Variants in SUPT3H observed in about 807,000 individuals in gnomAD.
The protein encoded by SUPT3H is SPT3 homolog, SAGA and STAGA complex component.
Under a neutral mutation model 44.3 loss-of-function variants are expected in SUPT3H, and 44 were observed. That is an observed-to-expected ratio of 0.99 (90% confidence interval 0.78 to 1.28). The LOEUF is 1.28. SUPT3H is among the 50% of genes most tolerant of loss of function. The pLI, the probability that SUPT3H is intolerant of heterozygous loss-of-function variation, is 0.00. For missense variants in SUPT3H, 380 were observed against 387.1 expected (o/e 0.98, Z 0.15); for synonymous variants, 124 against 125.6 (o/e 0.99, Z 0.09).
chr6:45,131,366 T>G (rs1366466545), intron 2 of SUPT3H, among the ~76,000 whole-genome samples: 1 of 152,150 alleles, frequency 6.6e-6, no homozygotes, highest in East Asian at 1.9e-4. Context: ...CACTCTCAAT[T>G]TACACATCTT....
chr6:45,114,856 A>T lies in SUPT3H; in HGVS notation c.102-8850T>A, dbSNP rs564715768. On this transcript the variant is annotated intron_variant, in intron 2 of 10. Transcript: ENST00000371459. ...ACGTAGTCCTTTCATTCAGTTTTAA[A>T]CAGATGAAAAATGAAAGCCCAAGAG... Among the ~76,000 whole-genome samples the T allele has an allele frequency of 5.9e-5, 9 of 152,294 alleles. No homozygotes were observed. In the East Asian group the frequency reaches 1.7e-3, roughly 29 times the overall value.
intron 2 of SUPT3H, among the ~76,000 whole-genome samples, chr6:45,149,142 A>C (rs1250874195): frequency 1.3e-5 from 2 of 152,326 alleles, no homozygotes; most frequent in African/African-American, 4.8e-5. Context: ...TACCTGTGAC[A>C]AATATGCATT....
intron 5 of SUPT3H, among the ~76,000 whole-genome samples, chr6:45,005,093 G>A (rs1782519052): frequency 1.3e-5 from 2 of 152,128 alleles, no homozygotes; most frequent in African/African-American, 4.8e-5. Flanking sequence ...ACATTTTAAT[G>A]GAAGTTAAGA....
chr6:44,878,022 C>G (rs771765706), intron 10 of SUPT3H, among the ~76,000 whole-genome samples: 14 of 152,172 alleles, frequency 9.2e-5, no homozygotes, highest in Non-Finnish European at 1.8e-4. Context: ...TTTGGTGAAG[C>G]ATTAAAGCTA....
intron 10 of SUPT3H, among the ~76,000 whole-genome samples, chr6:44,919,314 T>G (rs753077959): frequency 8.5e-5 from 13 of 152,114 alleles, no homozygotes; most frequent in Non-Finnish European, 1.5e-4. Context: ...AGTCAAAACC[T>G]GGTTAGATTA....
At chr6:45,165,249 A>T (rs1489731290) in intron 2 of SUPT3H, among the ~76,000 whole-genome samples, 4 of 152,190 alleles carry the variant, frequency 2.6e-5, no homozygotes, top group Non-Finnish European at 5.9e-5. Context: ...GAGAGCCCAT[A>T]CTAAGCACAA....
At chr6:45,014,437 A>G (rs1220115131) in intron 5 of SUPT3H, among the ~76,000 whole-genome samples, 1 of 152,126 alleles carries the variant, frequency 6.6e-6, no homozygotes, top group Non-Finnish European at 1.5e-5. Context: ...CCCTCCACAT[A>G]AATGAGGAAA....
At chr6:45,346,658 C>G (rs1404395378) in intron 2 of SUPT3H, among the ~76,000 whole-genome samples, 1 of 151,314 alleles carries the variant, frequency 6.6e-6, no homozygotes, top group Admixed American at 6.6e-5. Flanking sequence ...ACCTCCACCT[C>G]CTGGGTTCAA....
intron 3 of SUPT3H, among the ~76,000 whole-genome samples, chr6:45,037,947 G>A (rs1266142101): frequency 6.6e-6 from 1 of 151,838 alleles, no homozygotes; most frequent in Non-Finnish European, 1.5e-5. Flanking sequence ...TACAATTAAT[G>A]CTTTTAAACT....
intron 3 of SUPT3H, among the ~76,000 whole-genome samples, chr6:45,058,527 CA>C (rs1343198908): frequency 6.6e-6 from 1 of 152,030 alleles, no homozygotes; most frequent in African/African-American, 2.4e-5. Context: ...TTATATTATA[CA>C]GAGTGATTTT....
chr6:44,863,351 C>T (rs904140129), intron 10 of SUPT3H, among the ~76,000 whole-genome samples: 2 of 152,062 alleles, frequency 1.3e-5, no homozygotes, highest in Admixed American at 6.5e-5. Context: ...GGGTAATGTG[C>T]TATGGGGAAA....
At chr6:45,362,054 AAAC>A (rs375160471) in intron 2 of SUPT3H, among the ~76,000 whole-genome samples, 11 of 152,028 alleles carry the variant, frequency 7.2e-5, no homozygotes, top group Admixed American at 2.0e-4. Context: ...TTCCTCTCAA[AAAC>A]AACAACAACA....
intron 2 of SUPT3H, among the ~76,000 whole-genome samples, chr6:45,164,794 T>C (rs906351306): frequency 6.6e-6 from 1 of 152,114 alleles, no homozygotes; most frequent in African/African-American, 2.4e-5. Context: ...TTAAAAAGTA[T>C]AGTAAAATTT....
intron 2 of SUPT3H, among the ~76,000 whole-genome samples, chr6:45,196,401 A>T (rs1002155512): frequency 3.9e-5 from 6 of 152,144 alleles, no homozygotes; most frequent in African/African-American, 1.4e-4. Context: ...AATGCAGTTC[A>T]TGTTGAAAAT....
At chr6:45,135,270 T>C (rs888680038) in intron 2 of SUPT3H, among the ~76,000 whole-genome samples, 1 of 152,144 alleles carries the variant, frequency 6.6e-6, no homozygotes, top group Admixed American at 6.6e-5. Context: ...TTTTAACGAA[T>C]AGTAACTGGC....
chr6:45,353,285 A>G (rs1792449929), intron 2 of SUPT3H, among the ~76,000 whole-genome samples: 1 of 152,150 alleles, frequency 6.6e-6, no homozygotes. Context: ...GGAACTTGAT[A>G]AAATGATTCC....
chr6:45,126,087 C>G (rs976125610), intron 2 of SUPT3H, among the ~76,000 whole-genome samples: 16 of 151,990 alleles, frequency 1.1e-4, no homozygotes, highest in African/African-American at 3.9e-4. Flanking sequence ...ACCTGGATGC[C>G]CAAATTTAAA....
rs781363784 is a variant in SUPT3H at position 45,340,696 on chromosome 6, C to T, written c.101+24505G>A. Among the ~76,000 whole-genome samples the T allele has an allele frequency of 4.4e-4, 67 of 152,104 alleles. 1 individual carries two copies. Among genetic ancestry groups the T allele is most frequent in the Admixed American group, 1.2e-3 (19 of 15,280 alleles). On this transcript the variant is annotated intron_variant, in intron 2 of 10. Coordinates refer to ENST00000371459, the MANE Select transcript of SUPT3H (RefSeq NM_003599.4). ...ATTCTTAATCATTATAATTAATAGT[C>T]TTAATGTCCACAATACACATATATA...
rs1365946839 is a variant in SUPT3H at position 45,329,636 on chromosome 6, GA to G, written c.101+35564del. Among the ~76,000 whole-genome samples, 4 of 151,956 alleles carry G rather than the reference GA, an allele frequency of 2.6e-5. No homozygotes were observed. The East Asian group carries it at 5.8e-4, about 22-fold the overall frequency. ...ATGAATAACTGCTGTTTAGTCTCAT[GA>G]AAAATAAAGCTCCATAAGGATACCC... On this transcript the variant is annotated intron_variant, in intron 2 of 10. Coordinates refer to ENST00000371459, the MANE Select transcript of SUPT3H (RefSeq NM_003599.4).
Sources: gnomAD v4.1 joint callset for allele counts (sites outside exome capture counted in the v4.1 genomes callset) on GRCh38, gnomAD v4.1.1 for gene constraint, MANE v1.5 for transcripts, NCBI Gene and HGNC (gene_info 2026-07-23, HGNC 2026-07-21) for gene names.